The following SCN10A variants were observed in gnomAD, a reference collection of about 807,000 sequenced individuals.
The protein encoded by SCN10A is sodium channel protein type 10 subunit alpha.
Under a neutral mutation model 170.7 loss-of-function variants are expected in SCN10A, and 162 were observed. The ratio of observed to expected loss-of-function variants is 0.95; its 90% confidence interval spans 0.84 to 1.08. The LOEUF (loss-of-function observed/expected upper bound fraction) is 1.08, where lower values mean the gene tolerates loss of function less well. SCN10A is among the 50% of genes least tolerant of loss of function. SCN10A has a pLI of 0.00. For missense variants in SCN10A, 2,527 were observed against 2,436.9 expected, an observed-to-expected ratio of 1.04 and a Z score of -0.78; for synonymous variants, 985 against 904.6, an observed-to-expected ratio of 1.09 and a Z score of -1.59.
At chr3:38,747,965 G>C (rs545684846) in intron 13 of SCN10A, among the ~76,000 whole-genome samples, 1 of 151,928 alleles carries the variant, frequency 6.6e-6, no homozygotes. Flanking sequence ...TTCCATGAGC[G>C]CAAGCTTATA....
chr3:38,698,659 G>T, intron 27 of SCN10A, 97 bp from the exon 28 acceptor site: 1 of 1,154,688 alleles, frequency 8.7e-7, no homozygotes, highest in Non-Finnish European at 1.3e-6. Flanking sequence ...GGTATAGACT[G>T]CCACTTGGGC....
At chr3:38,720,328 C>T (rs1256278926) in intron 20 of SCN10A, among the ~76,000 whole-genome samples, 3 of 152,074 alleles carry the variant, frequency 2.0e-5, no homozygotes, top group Non-Finnish European at 4.4e-5. Context: ...GAAAAATGTA[C>T]TGAGGTTATA....
chr3:38,775,506 C>T (rs941467520), intron 4 of SCN10A, among the ~76,000 whole-genome samples: 12 of 152,094 alleles, frequency 7.9e-5, no homozygotes, highest in African/African-American at 2.4e-4. Flanking sequence ...TTGTGAATAA[C>T]GCTGCTACAA....
At chr3:38,717,269 G>C (rs1419300259) in intron 21 of SCN10A, among the ~76,000 whole-genome samples, 1 of 152,082 alleles carries the variant, frequency 6.6e-6, no homozygotes, top group African/African-American at 2.4e-5. Flanking sequence ...AAGGAAAAAG[G>C]AAGACTGAAT....
At chr3:38,810,040 C>A (rs545668793) in intron 1 of SCN10A, among the ~76,000 whole-genome samples, 6 of 152,222 alleles carry the variant, frequency 3.9e-5, no homozygotes, top group Middle Eastern at 3.4e-3. Context: ...GAAAAATACA[C>A]AAATACATGC....
At chr3:38,720,614 G>A (rs2063380002) in intron 20 of SCN10A, among the ~76,000 whole-genome samples, 2 of 152,278 alleles carry the variant, frequency 1.3e-5, no homozygotes, top group Middle Eastern at 6.8e-3. Context: ...CCAGGGGAAG[G>A]AGATGGGAGG....
At chr3:38,720,160 A>G (rs942462655) in intron 20 of SCN10A, among the ~76,000 whole-genome samples, 1 of 152,236 alleles carries the variant, frequency 6.6e-6, no homozygotes, top group Non-Finnish European at 1.5e-5. Flanking sequence ...TTCTGTGTCT[A>G]GGACGAGGAC....
chr3:38,786,799 G>A (rs1400889156), intron 4 of SCN10A, among the ~76,000 whole-genome samples: 2 of 151,874 alleles, frequency 1.3e-5, no homozygotes, highest in Non-Finnish European at 2.9e-5. Flanking sequence ...GCTGTTCTGG[G>A]GTGCCACCTT....
Position 38,710,838 on chromosome 3 carries a change from A to T in SCN10A, c.4143+6T>A. On this transcript the variant is annotated splice_donor_region_variant and intron_variant, in intron 24 of 27. Coordinates refer to ENST00000449082, the MANE Select transcript of SCN10A (RefSeq NM_006514.4). ...AAGGCTGTAGGGACAGTGGGCTGAGACTCACCTCCCGGGAATCAACAGCTG... is the reference window on the plus strand; with the variant it reads ...AAGGCTGTAGGGACAGTGGGCTGAGTCTCACCTCCCGGGAATCAACAGCTG... 2 of 1,612,916 alleles carry T rather than the reference A, an allele frequency of 1.2e-6. No individual in the cohort carries two copies. Among genetic ancestry groups the T allele is most frequent in the Non-Finnish European group, 8.5e-7 (1 of 1,179,370 alleles).
chr3:38,737,798 C>CTCTT (rs1166425687), intron 15 of SCN10A, among the ~76,000 whole-genome samples: 5,037 of 93,476 alleles, frequency 0.054, 167 homozygotes, highest in Middle Eastern at 0.12. Flanking sequence ...CCCTCCCTTC[C>CTCTT]TCTTTCTTTC....
intron 15 of SCN10A, among the ~76,000 whole-genome samples, chr3:38,737,039 C>A (rs369774732): frequency 2.4e-5 from 3 of 122,844 alleles, no homozygotes; most frequent in African/African-American, 9.4e-5. Context: ...GGCGCAATCT[C>A]GGCTCACTGT....
At chr3:38,771,122 CTCCTGGTATAT>C (rs903252352) in intron 5 of SCN10A, among the ~76,000 whole-genome samples, 146 bp downstream of exon 5, 4 of 152,278 alleles carry the variant, frequency 2.6e-5, no homozygotes, top group African/African-American at 7.2e-5. Context: ...TCTTTCAGTT[CTCCTGGTATAT>C]TCCTGCAGTG....
chr3:38,712,487 C>T (rs1266788960), intron 22 of SCN10A, 42 bp from the exon 23 acceptor site: 1 of 1,589,672 alleles, frequency 6.3e-7, no homozygotes, highest in Non-Finnish European at 8.6e-7. Flanking sequence ...CCCAATGCCC[C>T]ACCCCCTCTG....
At chr3:38,733,799 C>T (rs1183152211) in intron 15 of SCN10A, among the ~76,000 whole-genome samples, 1 of 152,096 alleles carries the variant, frequency 6.6e-6, no homozygotes, top group Non-Finnish European at 1.5e-5. Context: ...CAGCTCACCG[C>T]AACCTCCGCC....
chr3:38,779,633 C>T (rs567975949), intron 4 of SCN10A, among the ~76,000 whole-genome samples: 1 of 151,954 alleles, frequency 6.6e-6, no homozygotes, highest in East Asian at 1.9e-4. Flanking sequence ...TATAAATATT[C>T]TATGCTTCCA....
At chr3:38,729,445 A>G (rs1390662727) in intron 15 of SCN10A, among the ~76,000 whole-genome samples, 1 of 152,190 alleles carries the variant, frequency 6.6e-6, no homozygotes, top group Admixed American at 6.5e-5. Context: ...TCATGGACTC[A>G]GCATTCATAA....
In SCN10A at chr3:38,698,708, TGGTA is replaced by T. The variant is rs1575918237; in HGVS notation, c.4658-150_4658-147del. The T allele has an allele frequency of 2.0e-5, 14 of 714,544 alleles. No homozygotes were observed. In the East Asian group the frequency reaches 3.7e-4, roughly 19 times the overall value. The allele number at this position is 714,544 out of a possible 1,614,324, so 44.3% of individuals were successfully genotyped here. A position where few individuals can be genotyped will look rare whatever the true frequency, so the allele number is the denominator to read the frequency against. On this transcript the variant is annotated intron_variant, in intron 27 of 27. Coordinates refer to ENST00000449082, the MANE Select transcript of SCN10A (RefSeq NM_006514.4). ...GACTCTGGGCCCTCAGAGCCTGGCA[TGGTA>T]GGTAGCACAAAGTAGGGGCTCAGTA...
chr3:38,808,068 G>C, intron 1 of SCN10A, among the ~76,000 whole-genome samples: 1 of 152,062 alleles, frequency 6.6e-6, no homozygotes, highest in East Asian at 1.9e-4. Context: ...CATTCACCCC[G>C]TGTGAATGTC....
At chr3:38,756,073 G>A in intron 10 of SCN10A, 115 bp from the exon 11 acceptor site, 4 of 1,127,060 alleles carry the variant, frequency 3.5e-6, no homozygotes, top group South Asian at 2.8e-5. Flanking sequence ...AAGCTGAAGG[G>A]TTAGGACCAG....
Sources: gnomAD v4.1 joint callset for allele counts (sites outside exome capture counted in the v4.1 genomes callset) on GRCh38, gnomAD v4.1.1 for gene constraint, MANE v1.5 for transcripts, NCBI Gene and HGNC (gene_info 2026-07-23, HGNC 2026-07-21) for gene names.